Variants in NT5DC3 observed in about 807,000 individuals in gnomAD.
NT5DC3 encodes 5'-nucleotidase domain-containing protein 3.
NT5DC3 carries 42 observed loss-of-function variants against 67.8 expected under a neutral mutation model. That is an observed-to-expected ratio of 0.62 (90% confidence interval 0.48 to 0.80). The LOEUF (loss-of-function observed/expected upper bound fraction) is 0.80, where lower values mean the gene tolerates loss of function less well. Among genes scored for constraint, NT5DC3 ranks in the 30% least tolerant of loss-of-function variants. The probability of loss-of-function intolerance (pLI) is 0.00; values close to 1 mark genes in which losing one functional copy is unlikely to be tolerated. For missense variants in NT5DC3, 570 were observed against 696.4 expected (o/e 0.82, Z 2.04); for synonymous variants, 237 against 255.6 (o/e 0.93, Z 0.69).
the NT5DC3 span, among the ~76,000 whole-genome samples, chr12:103,762,608 G>T: frequency 3.9e-5 from 6 of 152,182 alleles, no homozygotes; most frequent in Non-Finnish European, 7.4e-5. Flanking sequence ...GTGGTTCCAA[G>T]CCCCTCCTTC....
rs1885358225 is a variant in NT5DC3 at position 103,776,800 on chromosome 12, C to T, written c.*1029G>A. On this transcript the variant is annotated 3_prime_UTR_variant, in exon 14 of 14. Coordinates refer to ENST00000392876, the MANE Select transcript of NT5DC3 (RefSeq NM_001031701.3). ...CATCTTCCTCCTCCCCTGGCCAATC[C>T]AAGCACCTCTCAGTTGGTAACTCAT... 1 of 152,166 alleles carries T rather than the reference C, an allele frequency of 6.6e-6. No homozygotes were observed. The allele number at this position is 152,166 out of a possible 1,614,324, so 9.4% of individuals were successfully genotyped here. A position where few individuals can be genotyped will look rare whatever the true frequency, so the allele number is the denominator to read the frequency against.
rs189512289 is a variant in NT5DC3, at chr12:103,772,796, G to A, written c.*5033C>T. ...GCCGGTAAGGGTTACAGGCAGGAAG[G>A]GGGTATGATCTGGGGCAGGCAGGGC... On this transcript the variant is annotated 3_prime_UTR_variant, in exon 14 of 14. Coordinates refer to ENST00000392876, the MANE Select transcript of NT5DC3 (RefSeq NM_001031701.3). The A allele has an allele frequency of 6.6e-6, 1 of 152,344 alleles. No individual in the cohort carries two copies. The highest frequency in any genetic ancestry group is 1.5e-5 in the Non-Finnish European group (1 of 68,144). The allele number at this position is 152,344 out of a possible 1,614,324, so 9.4% of individuals were successfully genotyped here. A position where few individuals can be genotyped will look rare whatever the true frequency, so the allele number is the denominator to read the frequency against.
intron 2 of NT5DC3, among the ~76,000 whole-genome samples, chr12:103,809,499 G>A (rs1460321920): frequency 6.6e-6 from 1 of 152,164 alleles, no homozygotes; most frequent in Non-Finnish European, 1.5e-5. Context: ...ACCTGAAACT[G>A]GGTAATTTAT....
intron 12 of NT5DC3, among the ~76,000 whole-genome samples, chr12:103,782,053 G>GA (rs528614860): frequency 1.3e-5 from 2 of 151,988 alleles, no homozygotes; most frequent in South Asian, 2.1e-4. Flanking sequence ...ATGGTTGGGG[G>GA]AAAAAAAACT....
chr12:103,797,077 A>G (rs73192053), intron 5 of NT5DC3, 46 bp from the exon 6 acceptor site: 431,315 of 1,608,882 alleles, frequency 0.27, 64,401 homozygotes, highest in East Asian at 0.58. Context: ...GGGCCCACGC[A>G]AGGGACAGAG....
chr12:103,806,924 T>G lies in NT5DC3; in HGVS notation c.399A>C (p.Pro133=), dbSNP rs1886824860. 4 of 1,592,902 alleles carry G rather than the reference T, an allele frequency of 2.5e-6. No individual in the cohort carries two copies. The highest frequency in any genetic ancestry group is 3.4e-6 in the Non-Finnish European group (4 of 1,160,818). The change falls in exon 3 of 14, where the codon CCA becomes CCC. Residue 133 remains proline, a synonymous_variant. Transcript: ENST00000392876. ...CATACTCATACTTCCTGATTTCTGCTGGATACTAAGAAAGAAGAAAGGAAC... is the reference window on the plus strand; with the variant it reads ...CATACTCATACTTCCTGATTTCTGCGGGATACTAAGAAAGAAGAAAGGAAC... ...RDLLINEHRY[P]AEIRKYEYDP...
the NT5DC3 span, chr12:103,761,299 G>A: frequency 6.2e-7 from 1 of 1,613,912 alleles, no homozygotes; most frequent in Non-Finnish European, 8.5e-7. Flanking sequence ...CATTTCCCTA[G>A]ACGGAGACCA....
intron 11 of NT5DC3, among the ~76,000 whole-genome samples, chr12:103,786,962 T>A (rs1021052986): frequency 6.6e-6 from 1 of 152,138 alleles, no homozygotes; most frequent in African/African-American, 2.4e-5. Context: ...GGACTACAGG[T>A]GTGAGCCACC....
intron 1 of NT5DC3, among the ~76,000 whole-genome samples, chr12:103,835,951 A>G (rs1229217879): frequency 6.6e-6 from 1 of 152,214 alleles, no homozygotes; most frequent in African/African-American, 2.4e-5. Flanking sequence ...CACTTCTCAC[A>G]TGGCGGCAGC....
intron 1 of NT5DC3, among the ~76,000 whole-genome samples, chr12:103,817,661 C>T (rs566857795): frequency 6.6e-6 from 1 of 152,256 alleles, no homozygotes; most frequent in African/African-American, 2.4e-5. Context: ...ATTTCACAAA[C>T]GAAGACACTA....
At chr12:103,780,080 G>A (rs561294102) in intron 13 of NT5DC3, among the ~76,000 whole-genome samples, 1 of 152,336 alleles carries the variant, frequency 6.6e-6, no homozygotes, top group African/African-American at 2.4e-5. Flanking sequence ...GATGGCAAGG[G>A]CGGAGGAATG....
chr12:103,753,197 G>T, the NT5DC3 span: 1 of 1,612,850 alleles, frequency 6.2e-7, no homozygotes, highest in Non-Finnish European at 8.5e-7. Context: ...TGACCTGGGC[G>T]ATTCCTCCTC....
At chr12:103,801,054 T>C (rs902401380) in intron 4 of NT5DC3, among the ~76,000 whole-genome samples, 2 of 152,052 alleles carry the variant, frequency 1.3e-5, no homozygotes, top group Admixed American at 6.5e-5. Context: ...ACTTAAACTA[T>C]AGGTACAAAA....
chr12:103,763,723 T>C, the NT5DC3 span: 12 of 1,039,548 alleles, frequency 1.2e-5, no homozygotes, highest in Non-Finnish European at 1.6e-5. Flanking sequence ...CTAGAATGTA[T>C]GTCAGGTAAC....
chr12:103,779,316 G>T (rs1312664485), intron 13 of NT5DC3, among the ~76,000 whole-genome samples: 2 of 152,096 alleles, frequency 1.3e-5, no homozygotes, highest in Non-Finnish European at 2.9e-5. Context: ...CTCTCTGATG[G>T]CTGGGACCCT....
chr12:103,815,865 A>C (rs970459661), intron 1 of NT5DC3, among the ~76,000 whole-genome samples: 4 of 152,260 alleles, frequency 2.6e-5, no homozygotes, highest in Non-Finnish European at 5.9e-5. Flanking sequence ...ATCACAAAAA[A>C]GATTTGTTTA....
In NT5DC3 at chr12:103,778,163, CT is replaced by C. The variant is rs141837728; in HGVS notation, c.1395-83del. 2.8e-3 allele frequency: 3,607 copies of C among 1,267,698 alleles called. 5 individuals carry two copies. The highest frequency in any genetic ancestry group is 9.9e-3 in the East Asian group (341 of 34,530). 78.5% of individuals were successfully genotyped at this position (1,267,698 alleles called of 1,614,324 possible). ...TAAACTACTGAAATCAAAATCACTTCTTTTTTTAAAAAAAAAAAATAGGACT... is the reference window on the plus strand; with the variant it reads ...TAAACTACTGAAATCAAAATCACTTCTTTTTTAAAAAAAAAAAATAGGACT... On this transcript the variant is annotated intron_variant, in intron 13 of 13. Coordinates refer to ENST00000392876, the MANE Select transcript of NT5DC3 (RefSeq NM_001031701.3).
chr12:103,762,393 G>A, the NT5DC3 span: 2 of 1,614,102 alleles, frequency 1.2e-6, no homozygotes, highest in East Asian at 4.5e-5. Flanking sequence ...TCGGCTTCCA[G>A]CATTTTGAGG....
At chr12:103,823,178 AAG>A (rs759210071) in intron 1 of NT5DC3, among the ~76,000 whole-genome samples, 12 of 151,856 alleles carry the variant, frequency 7.9e-5, no homozygotes, top group Non-Finnish European at 1.5e-4. Flanking sequence ...GTCCCTGAAG[AAG>A]AAATGGAAGA....
Sources: gnomAD v4.1 joint callset for allele counts (sites outside exome capture counted in the v4.1 genomes callset) on GRCh38, gnomAD v4.1.1 for gene constraint, MANE v1.5 for transcripts, NCBI Gene and HGNC (gene_info 2026-07-23, HGNC 2026-07-21) for gene names.